Variants in BCOR observed in about 807,000 individuals in gnomAD.
The protein encoded by BCOR is BCL-6 corepressor.
A neutral mutation model predicts 86.7 loss-of-function variants in BCOR; 10 were observed. The observed-to-expected ratio is 0.12, with a 90% CI of 0.07 to 0.20. The LOEUF (loss-of-function observed/expected upper bound fraction) is 0.20, where lower values mean the gene tolerates loss of function less well. Ranked by LOEUF, BCOR falls within the 10% of genes least tolerant of loss-of-function variation. The pLI is 1.00. For synonymous variants in BCOR, 611 were observed against 609.0 expected (o/e 1.00, Z -0.05); for missense variants, 1,259 against 1,452.1 (o/e 0.87, Z 2.16).
intron 1 of BCOR, among the ~76,000 whole-genome samples, chrX:40,146,008 G>A (rs1235944642): frequency 8.9e-6 from 1 of 111,873 alleles, no homozygotes; most frequent in Non-Finnish European, 1.9e-5. Flanking sequence ...CGGGAAATCG[G>A]GAAGCCTGAA....
chrX:40,174,681 C>T (rs368271773), intron 1 of BCOR, among the ~76,000 whole-genome samples: 1 of 112,704 alleles, frequency 8.9e-6, no homozygotes, highest in Admixed American at 9.3e-5. Flanking sequence ...TAATTCCTCT[C>T]TTCGCGTTCT....
chrX:40,073,502 TTGC>T lies in BCOR; in HGVS notation c.1841_1843del (p.Ser614del), dbSNP rs1935595581. On this transcript the variant is annotated inframe_deletion, in exon 4 of 15. Transcript: ENST00000378444. ...TTCTGGGTTGCTGGCTTTGGCGCCCTTGCTGCTGGTGCTGCTACTGTGCTTGGC... is the reference window on the plus strand; with the variant it reads ...TTCTGGGTTGCTGGCTTTGGCGCCCTTGCTGGTGCTGCTACTGTGCTTGGC... 4 of 1,211,466 alleles carry T rather than the reference TTGC, an allele frequency of 3.3e-6. No individual in the cohort carries two copies. In the African/African-American group the frequency reaches 6.9e-5, roughly 21 times the overall value.
chrX:40,096,581 G>T (rs1421164788), intron 1 of BCOR, among the ~76,000 whole-genome samples: 1 of 111,204 alleles, frequency 9.0e-6, no homozygotes, highest in African/African-American at 3.3e-5. Context: ...CTCCCCTCCC[G>T]AGTTGCGCGG....
chrX:40,077,939 T>C lies in BCOR; in HGVS notation c.-10A>G. The stretch of plus-strand genomic sequence containing the variant: ...GGGTTGCTGAGAGCATGTCGTCTTC[T>C]GGGATGGCAGCTTTGCTTCAAGCGT... On this transcript the variant is annotated 5_prime_UTR_variant, in exon 2 of 15. Coordinates refer to ENST00000378444, the MANE Select transcript of BCOR (RefSeq NM_001123385.2). 1 of 1,193,463 alleles carries C rather than the reference T, an allele frequency of 8.4e-7. No homozygotes were observed. Among genetic ancestry groups the C allele is most frequent in the Non-Finnish European group, 1.1e-6 (1 of 878,397 alleles).
intron 5 of BCOR, 21 bp from the exon 6 acceptor site, chrX:40,071,180 G>GAA (rs374448325): frequency 3.4e-4 from 300 of 890,607 alleles, no homozygotes; most frequent in Admixed American, 4.3e-4. Flanking sequence ...AACGGAGATG[G>GAA]AAAAAAAAAA....
intron 1 of BCOR, among the ~76,000 whole-genome samples, chrX:40,088,824 G>C (rs1936471647): frequency 8.9e-6 from 1 of 112,004 alleles, no homozygotes. Context: ...CTTCCAACCA[G>C]GTCTTGCCCC....
At chrX:40,128,507 C>A (rs1424818314) in intron 1 of BCOR, among the ~76,000 whole-genome samples, 1 of 111,518 alleles carries the variant, frequency 9.0e-6, no homozygotes, top group East Asian at 2.8e-4. Flanking sequence ...GATCACGCCA[C>A]CGCACTCTAG....
chrX:40,098,422 G>GGGC (rs909689574), upstream of BCOR, among the ~76,000 whole-genome samples: 1 of 110,994 alleles, frequency 9.0e-6, no homozygotes, highest in African/African-American at 3.3e-5. Context: ...AGACCGACTT[G>GGGC]GGCGGCGGCG....
chrX:40,156,608 C>T (rs1403806140), intron 1 of BCOR, among the ~76,000 whole-genome samples: 1 of 113,107 alleles, frequency 8.8e-6, no homozygotes, highest in Non-Finnish European at 1.9e-5. Context: ...TCAGCAGCCT[C>T]ACTCTGGGCC....
chrX:40,100,216 G>C (rs1424664807), upstream of BCOR, among the ~76,000 whole-genome samples: 1 of 112,783 alleles, frequency 8.9e-6, no homozygotes, highest in East Asian at 2.8e-4. Flanking sequence ...AAAAATAACC[G>C]GGAAGGCTGA....
In BCOR at chrX:40,115,389, C is replaced by T. The variant is rs149720333; in HGVS notation, c.-40-37420G>A. ...GGAGTTTCTTTCTTTCTGGGATCAG[C>T]AGGCCTCAGCTCATCTGTTGTGTTC... On this transcript the variant is annotated intron_variant, in intron 1 of 14. Coordinates refer to the BCOR transcript ENST00000342274. Among the ~76,000 whole-genome samples, 7 of 111,897 alleles carry T rather than the reference C, an allele frequency of 6.3e-5. No individual in the cohort carries two copies. In the East Asian group the frequency reaches 2.0e-3, roughly 31 times the overall value.
chrX:40,060,008 T>C (rs376066817), intron 10 of BCOR, among the ~76,000 whole-genome samples: 3 of 112,007 alleles, frequency 2.7e-5, no homozygotes, highest in East Asian at 5.6e-4. Context: ...AAACAAAGCT[T>C]GAGCAGCCTT....
chrX:40,056,715 G>T (rs1934617041), intron 11 of BCOR, among the ~76,000 whole-genome samples: 1 of 111,952 alleles, frequency 8.9e-6, no homozygotes, highest in Non-Finnish European at 1.9e-5. Flanking sequence ...CCAGGGTCAA[G>T]GACAGGGTGA....
intron 14 of BCOR, among the ~76,000 whole-genome samples, chrX:40,053,496 GT>G (rs1205104302): frequency 8.9e-6 from 1 of 112,158 alleles, no homozygotes; most frequent in African/African-American, 3.2e-5. Flanking sequence ...GTTTATCAGT[GT>G]AGTCCGTACA....
intron 1 of BCOR, among the ~76,000 whole-genome samples, chrX:40,081,952 C>A (rs937048594): frequency 8.9e-6 from 1 of 112,652 alleles, no homozygotes; most frequent in African/African-American, 3.2e-5. Flanking sequence ...TGGTCTCCAG[C>A]TCTTAGCACC....
Position 40,052,404 on chromosome X carries a change from C to T in BCOR, c.4977-4G>A. 1.7e-6 allele frequency: 2 copies of T among 1,207,766 alleles called. No individual in the cohort carries two copies. Among genetic ancestry groups the T allele is most frequent in the African/African-American group, 3.5e-5 (2 of 57,418 alleles). ...AAGCAGTAGCCAGTTTCGTGGCCTACAAAACAGAAAGGAAAATGCTTTGAG... is the reference window on the plus strand; with the variant it reads ...AAGCAGTAGCCAGTTTCGTGGCCTATAAAACAGAAAGGAAAATGCTTTGAG... On this transcript the variant is annotated splice_polypyrimidine_tract_variant and splice_region_variant and intron_variant, in intron 14 of 14. Transcript: ENST00000378444.
At chrX:40,057,370 T>C in intron 10 of BCOR, 49 bp from the exon 11 acceptor site, 1 of 1,149,573 alleles carries the variant, frequency 8.7e-7, no homozygotes, top group South Asian at 1.9e-5. Context: ...CACAATGACC[T>C]TGTAAGGTGG....
rs1935026147 is a variant in BCOR at position 40,063,682 on chromosome X, C to T, written c.3773G>A (p.Gly1258Asp). ...GCCTTTGGCCTCTGCCCTTTTCCTG[C>T]CAGGTTTCTCTTCAGTGATGTTAGT... The part of the protein sequence containing the change: ...QGTNITEEKP[G>D]RKRAEAKGNR... Residue 1258 changes from glycine (G) to aspartate (D), a missense_variant, in exon 8 of 15, where the codon GGC becomes GAC. Physicochemically the swap from Gly to Asp is moderately conservative, Grantham distance 94. Transcript: ENST00000378444. 8.3e-7 allele frequency: 1 copy of T among 1,209,994 alleles called. No individual in the cohort carries two copies.
chrX:40,057,454 G>A, intron 10 of BCOR, 133 bp from the exon 11 acceptor site: 1 of 659,639 alleles, frequency 1.5e-6, no homozygotes, highest in Non-Finnish European at 2.4e-6. Context: ...GGCTGTGGAT[G>A]TCTTGGTGAG....
Sources: allele counts gnomAD v4.1 joint callset (sites outside exome capture counted in the v4.1 genomes callset), GRCh38; gene constraint gnomAD v4.1.1; transcripts MANE v1.5; gene names NCBI Gene and HGNC (gene_info 2026-07-23, HGNC 2026-07-21).